SUN1: variants seen among roughly 807,000 people sequenced by gnomAD.
SUN1 encodes Sad1 and UNC84 domain containing 1.
A neutral mutation model predicts 103.2 loss-of-function variants in SUN1; 61 were observed. The ratio of observed to expected loss-of-function variants is 0.59; its 90% confidence interval spans 0.48 to 0.73. The LOEUF (loss-of-function observed/expected upper bound fraction) is 0.73. SUN1 is among the 30% of genes least tolerant of loss of function. The pLI is 0.00. For synonymous variants in SUN1, 490 were observed against 425.7 expected, an observed-to-expected ratio of 1.15 and a Z score of -1.86; for missense variants, 1,052 against 1,034.6, an observed-to-expected ratio of 1.02 and a Z score of -0.23.
chr7:819,192 C>CT (rs57527104), intron 1 of SUN1, among the ~76,000 whole-genome samples: 51,349 of 138,656 alleles, frequency 0.37, 9,609 homozygotes, highest in African/African-American at 0.45. Context: ...TGGGTTGCCT[C>CT]TTTTTTTTTT....
rs1360358381 is a variant in SUN1, at chr7:834,512, C to T, written c.77+1911C>T. The stretch of plus-strand genomic sequence containing the variant: ...TCCTCCTGGTCCTGGGCTGGCCTCC[C>T]GCAGACCTTGCCACCTCAGCTGGCC... On this transcript the variant is annotated intron_variant, in intron 1 of 18. Coordinates refer to ENST00000401592, the MANE Select transcript of SUN1 (RefSeq NM_001130965.3). 3.3e-5 allele frequency among the ~76,000 whole-genome samples: 5 copies of T among 152,284 alleles called. No individual in the cohort carries two copies. In the South Asian group the frequency reaches 8.3e-4, roughly 25 times the overall value.
At chr7:832,242 G>A (rs1229733900), upstream of SUN1, 40 of 575,682 alleles carry the variant, frequency 6.9e-5, no homozygotes, top group Non-Finnish European at 1.1e-4. Flanking sequence ...CTGGTTTCAC[G>A]AGTCAGCCAC....
At position 851,469 on chromosome 7, in the gene SUN1, C is replaced by G. The variant is rs776155785; in HGVS notation, c.744C>G (p.Ala248=). 11 of 1,606,438 alleles carry G rather than the reference C, an allele frequency of 6.8e-6. No homozygotes were observed. The East Asian group carries it at 2.2e-4, about 33-fold the overall frequency. ...SRTAWSALWL[A]VVAPGKAASG... ...CGGCGTGGTCGGCCCTTTGGCTGGC[C>G]GTGGTTGCTCCAGGTGGCTATTTTG... Residue 248 remains alanine, a synonymous_variant, in exon 6 of 19, where the codon GCC becomes GCG. Coordinates refer to ENST00000401592, the MANE Select transcript of SUN1 (RefSeq NM_001130965.3).
chr7:840,782 C>T (rs1808865082), intron 2 of SUN1, among the ~76,000 whole-genome samples: 2 of 151,754 alleles, frequency 1.3e-5, no homozygotes, highest in African/African-American at 4.8e-5. Flanking sequence ...GCTGGGACTA[C>T]AGGTGCCCGC....
chr7:834,930 G>A (rs943837499), intron 1 of SUN1, among the ~76,000 whole-genome samples: 2 of 152,126 alleles, frequency 1.3e-5, no homozygotes, highest in African/African-American at 4.8e-5. Context: ...ACAAAAATTA[G>A]CTGGGTGTGG....
chr7:857,551 G>A (rs748976508), intron 12 of SUN1, among the ~76,000 whole-genome samples: 10 of 152,148 alleles, frequency 6.6e-5, no homozygotes, highest in African/African-American at 9.7e-5. Context: ...GCTCTCACTC[G>A]CCACTGAGAA....
At chr7:861,768 C>T (rs1016876699) in intron 15 of SUN1, among the ~76,000 whole-genome samples, 1 of 152,204 alleles carries the variant, frequency 6.6e-6, no homozygotes, top group Non-Finnish European at 1.5e-5. Flanking sequence ...GGGGATTGTT[C>T]AGTGCCTTCA....
At chr7:820,203 A>G (rs141023273) in intron 1 of SUN1, among the ~76,000 whole-genome samples, 20 of 152,308 alleles carry the variant, frequency 1.3e-4, no homozygotes, top group African/African-American at 4.6e-4. Context: ...CTTTCCATCC[A>G]TGTACATGGA....
chr7:856,068 T>C (rs1034126008), intron 11 of SUN1, among the ~76,000 whole-genome samples: 1 of 152,180 alleles, frequency 6.6e-6, no homozygotes, highest in East Asian at 1.9e-4. Context: ...GAACACACTC[T>C]GGAGGTGTGA....
At chr7:816,271 C>G, upstream of SUN1, 2 of 197,010 alleles carry the variant, frequency 1.0e-5, no homozygotes, top group South Asian at 9.0e-5. Flanking sequence ...GCCCCTCCCC[C>G]AGATGCAAAC....
intron 16 of SUN1, among the ~76,000 whole-genome samples, chr7:868,119 G>A (rs758352269): frequency 2.8e-4 from 43 of 152,226 alleles, no homozygotes; most frequent in Non-Finnish European, 5.9e-4. Context: ...CGGCGGGTAC[G>A]TGCCCATCGT....
intron 5 of SUN1, 35 bp downstream of exon 5, chr7:843,555 G>A (rs765120232): frequency 1.9e-6 from 3 of 1,613,670 alleles, no homozygotes; most frequent in African/African-American, 1.3e-5. Flanking sequence ...AGAAAAAGGT[G>A]TGTTTTCCAA....
intron 1 of SUN1, among the ~76,000 whole-genome samples, chr7:836,598 G>A (rs1407268985): frequency 1.3e-5 from 2 of 152,196 alleles, no homozygotes; most frequent in Non-Finnish European, 2.9e-5. Context: ...GGCGTTCCAG[G>A]TCCAGGCTGT....
intron 1 of SUN1, among the ~76,000 whole-genome samples, chr7:838,578 A>T (rs1805861198): frequency 6.6e-6 from 1 of 152,178 alleles, no homozygotes; most frequent in African/African-American, 2.4e-5. Context: ...GTGCTGTCCT[A>T]CATCTGATGT....
intron 1 of SUN1, among the ~76,000 whole-genome samples, chr7:821,996 T>C (rs532950377): frequency 1.3e-5 from 2 of 152,332 alleles, no homozygotes; most frequent in East Asian, 3.9e-4. Context: ...CTCGTTTTCT[T>C]CTTCCCCTTG....
At chr7:857,646 A>C (rs1271100402) in intron 12 of SUN1, among the ~76,000 whole-genome samples, 182 bp from the exon 13 acceptor site, 1 of 152,246 alleles carries the variant, frequency 6.6e-6, no homozygotes, top group African/African-American at 2.4e-5. Context: ...TGCAGAAGAC[A>C]ACCTCTCTGG....
At chr7:827,805 T>C (rs536683449), upstream of SUN1, among the ~76,000 whole-genome samples, 42 of 152,082 alleles carry the variant, frequency 2.8e-4, no homozygotes, top group Middle Eastern at 0.014. Flanking sequence ...GAAAAAAAAC[T>C]GAGCTGTATA....
upstream of SUN1, chr7:816,386 C>G (rs1271610760): frequency 4.9e-6 from 1 of 203,120 alleles, no homozygotes; most frequent in African/African-American, 2.6e-5. Context: ...GCCCCCATAC[C>G]GGGACGTGGC....
At chr7:860,983 C>T (rs572950999) in intron 14 of SUN1, among the ~76,000 whole-genome samples, 24 of 152,348 alleles carry the variant, frequency 1.6e-4, no homozygotes, top group African/African-American at 5.8e-4. Context: ...ATGGGAGCTG[C>T]AATTCAAGAT....
Sources: gnomAD v4.1 joint callset for allele counts (sites outside exome capture counted in the v4.1 genomes callset) on GRCh38, gnomAD v4.1.1 for gene constraint, MANE v1.5 for transcripts, NCBI Gene and HGNC (gene_info 2026-07-23, HGNC 2026-07-21) for gene names.